ALG14: variants seen among roughly 807,000 people sequenced by gnomAD.
The protein encoded by ALG14 is ALG14 UDP-N-acetylglucosaminyltransferase subunit.
In ALG14, 17 loss-of-function variants were observed where a neutral mutation model predicts 22.8. That is an observed-to-expected ratio of 0.75 (90% CI 0.51 to 1.12). The LOEUF is 1.12. Ranked by LOEUF, ALG14 falls within the 50% of genes most tolerant of loss-of-function variation. ALG14 has a pLI of 0.00. For synonymous variants in ALG14, 89 were observed against 103.7 expected, an observed-to-expected ratio of 0.86 and a Z score of 0.86; for missense variants, 288 against 271.8, an observed-to-expected ratio of 1.06 and a Z score of -0.42.
At chr1:94,997,522 AG>A (rs1321510692) in intron 3 of ALG14, among the ~76,000 whole-genome samples, 7 of 152,210 alleles carry the variant, frequency 4.6e-5, no homozygotes, top group Admixed American at 1.3e-4. Context: ...CTGATGGTCC[AG>A]GGAAGGGATA....
chr1:95,026,518 CAGAG>C (rs1673823925), intron 3 of ALG14, among the ~76,000 whole-genome samples: 2 of 127,524 alleles, frequency 1.6e-5, no homozygotes, highest in Non-Finnish European at 3.4e-5. Flanking sequence ...GTGTGTGAGA[CAGAG>C]AGAGGACAGC....
intron 3 of ALG14, among the ~76,000 whole-genome samples, chr1:95,007,397 C>A (rs369493623): frequency 6.6e-6 from 1 of 152,354 alleles, no homozygotes; most frequent in East Asian, 1.9e-4. Context: ...CTAACCAAGA[C>A]TGGCGGGAAC....
At chr1:95,051,142 T>C (rs1268114364) in intron 2 of ALG14, among the ~76,000 whole-genome samples, 1 of 152,140 alleles carries the variant, frequency 6.6e-6, no homozygotes, top group Non-Finnish European at 1.5e-5. Flanking sequence ...CTCAGACTCA[T>C]AGATCCCATT....
intron 3 of ALG14, among the ~76,000 whole-genome samples, chr1:95,019,432 T>G (rs1673593947): frequency 6.6e-6 from 1 of 152,216 alleles, no homozygotes; most frequent in African/African-American, 2.4e-5. Flanking sequence ...CTAACACAGC[T>G]TTTGCAGTAA....
chr1:95,066,278 CA>C (rs1325023526), intron 1 of ALG14, among the ~76,000 whole-genome samples: 2 of 152,148 alleles, frequency 1.3e-5, no homozygotes, highest in Non-Finnish European at 2.9e-5. Context: ...GGCTGGAATA[CA>C]ATTGTGTGAT....
At chr1:94,992,026 G>C (rs902135332) in intron 3 of ALG14, among the ~76,000 whole-genome samples, 3 of 145,638 alleles carry the variant, frequency 2.1e-5, no homozygotes, top group African/African-American at 4.9e-5. Context: ...TCTCCTATGA[G>C]AACAATGCCT....
At chr1:95,060,014 T>C (rs1402525802) in intron 2 of ALG14, among the ~76,000 whole-genome samples, 4 of 128,104 alleles carry the variant, frequency 3.1e-5, no homozygotes, top group African/African-American at 1.2e-4. Flanking sequence ...AGCTGAAGCG[T>C]AGAAAAAGAT....
intron 3 of ALG14, among the ~76,000 whole-genome samples, chr1:95,012,736 T>G (rs1045769317): frequency 3.3e-5 from 5 of 152,296 alleles, no homozygotes; most frequent in African/African-American, 7.2e-5. Context: ...AATCAGAGAC[T>G]CTTGGAGCTG....
At chr1:95,058,977 A>G (rs1675039108) in intron 2 of ALG14, among the ~76,000 whole-genome samples, 1 of 151,986 alleles carries the variant, frequency 6.6e-6, no homozygotes, top group Non-Finnish European at 1.5e-5. Context: ...CTGACTTTCA[A>G]TTCACAAATA....
At chr1:95,036,419 C>CTTTTTT (rs35068075) in intron 2 of ALG14, among the ~76,000 whole-genome samples, 12 of 71,898 alleles carry the variant, frequency 1.7e-4, no homozygotes, top group Admixed American at 3.7e-4. Context: ...AATTAAACCT[C>CTTTTTT]TTTTTTTTTT....
intron 3 of ALG14, chr1:94,983,576 G>A: frequency 2.3e-6 from 1 of 442,100 alleles, no homozygotes; most frequent in Non-Finnish European, 4.1e-6. Flanking sequence ...AGTTCCTGGT[G>A]CTCAGTCAGC....
rs571145613 is a variant in ALG14 at position 95,054,759 on chromosome 1, C to T, written c.288+10107G>A. Among the ~76,000 whole-genome samples the T allele has an allele frequency of 3.9e-5, 6 of 152,254 alleles. No individual in the cohort carries two copies. The South Asian group carries it at 1.0e-3, about 26-fold the overall frequency. ...TGCAAAACTTAAAAATAACCAATTC[C>T]GTGCTTACACAAATTCCTCCTGAGA... On this transcript the variant is annotated intron_variant, in intron 2 of 3. Coordinates refer to ENST00000370205, the MANE Select transcript of ALG14 (RefSeq NM_144988.4).
intron 3 of ALG14, among the ~76,000 whole-genome samples, chr1:94,996,679 A>AT (rs1672916856): frequency 6.6e-6 from 1 of 151,042 alleles, no homozygotes; most frequent in Admixed American, 6.6e-5. Context: ...TTAACACTTT[A>AT]TTTTTATTTT....
At chr1:95,001,599 A>T (rs1256212044) in intron 3 of ALG14, among the ~76,000 whole-genome samples, 1 of 152,114 alleles carries the variant, frequency 6.6e-6, no homozygotes, top group Non-Finnish European at 1.5e-5. Context: ...GGGCTCGAGC[A>T]ATTCTCGTGT....
intron 2 of ALG14, among the ~76,000 whole-genome samples, chr1:95,052,214 A>T (rs1337713787): frequency 1.3e-5 from 2 of 152,234 alleles, no homozygotes; most frequent in African/African-American, 2.4e-5. Flanking sequence ...AATGAAATAC[A>T]TACCTCTGAA....
chr1:95,027,336 G>A (rs375973438), intron 2 of ALG14, 76 bp from the exon 3 acceptor site: 1 of 1,519,240 alleles, frequency 6.6e-7, no homozygotes, highest in African/African-American at 1.4e-5. Context: ...ATTAACAGCT[G>A]TAGAAACAGA....
At chr1:95,038,692 AAAAAC>A (rs1162473669) in intron 2 of ALG14, among the ~76,000 whole-genome samples, 2 of 151,618 alleles carry the variant, frequency 1.3e-5, no homozygotes, top group Non-Finnish European at 2.9e-5. Flanking sequence ...AAAAAAAAAA[AAAAAC>A]AAAGTGATAA....
In ALG14 at chr1:94,982,699, C is replaced by CA. The variant is rs368855559; in HGVS notation, c.*376dup. ...TTCTTTTACAATGCAGAATACTTTA[C>CA]AAAAAAAAAAAAAAAAAAAAAAAGC... On this transcript the variant is annotated 3_prime_UTR_variant, in exon 4 of 4. Coordinates refer to ENST00000370205, the MANE Select transcript of ALG14 (RefSeq NM_144988.4). 0.4 allele frequency: 31,492 copies of CA among 79,314 alleles called. 8,853 individuals are homozygous for CA. The highest frequency in any genetic ancestry group is 0.61 in the East Asian group (1,213 of 1,988). 4.9% of individuals were successfully genotyped at this position (79,314 alleles called of 1,614,324 possible). A position where few individuals can be genotyped will look rare whatever the true frequency, so the allele number is the denominator to read the frequency against.
At chr1:95,001,302 A>T (rs1424849112) in intron 3 of ALG14, among the ~76,000 whole-genome samples, 2 of 152,130 alleles carry the variant, frequency 1.3e-5, no homozygotes, top group Non-Finnish European at 2.9e-5. Context: ...AATTCTTTTC[A>T]GCTTGTCGGT....
Sources: allele counts gnomAD v4.1 joint callset (sites outside exome capture counted in the v4.1 genomes callset), GRCh38; gene constraint gnomAD v4.1.1; transcripts MANE v1.5; gene names NCBI Gene and HGNC (gene_info 2026-07-23, HGNC 2026-07-21).